LONRF1: variants seen among roughly 807,000 people sequenced by gnomAD.
The protein encoded by LONRF1 is LON peptidase N-terminal domain and ring finger 1.
A neutral mutation model predicts 85.8 loss-of-function variants in LONRF1; 37 were observed. The ratio of observed to expected loss-of-function variants is 0.43; its 90% CI spans 0.33 to 0.57. The LOEUF is 0.57. LONRF1 is among the 20% of genes least tolerant of loss of function. The pLI, the probability that LONRF1 is intolerant of heterozygous loss-of-function variation, is 0.04. For synonymous variants in LONRF1, 517 were observed against 390.1 expected (o/e 1.33, Z -3.83); for missense variants, 1,036 against 978.0 (o/e 1.06, Z -0.79).
Position 12,743,213 on chromosome 8 carries a change from G to C in LONRF1, c.791C>G (p.Ala264Gly). 6.2e-7 allele frequency: 1 copy of C among 1,613,162 alleles called. No individual in the cohort carries two copies. The highest frequency in any genetic ancestry group is 8.5e-7 in the Non-Finnish European group (1 of 1,179,432). ...SYAGLQEFKA[A>G]IEDLNAVLFQ... is the part of the protein sequence containing the mutation. Reference sequence around the variant, plus strand: ...AAGAACTGCATTTAAATCTTCTATGGCTGCTTTAAACTCTTGGAGACCAGC... The same window carrying C: ...AAGAACTGCATTTAAATCTTCTATGCCTGCTTTAAACTCTTGGAGACCAGC... Residue 264 changes from alanine (A) to glycine (G), a missense_variant, in exon 2 of 12, where the codon GCC becomes GGC. Ala to Gly is a moderately conservative substitution (Grantham distance 60). Coordinates refer to ENST00000398246, the MANE Select transcript of LONRF1 (RefSeq NM_152271.5).
chr8:12,740,603 A>G (rs1488527689), intron 3 of LONRF1, among the ~76,000 whole-genome samples: 2 of 152,208 alleles, frequency 1.3e-5, no homozygotes, highest in Non-Finnish European at 2.9e-5. Flanking sequence ...ATGCTTAATT[A>G]AGGACCATCA....
chr8:12,738,902 G>C (rs556416366), intron 3 of LONRF1: 1 of 152,120 alleles, frequency 6.6e-6, no homozygotes, highest in South Asian at 2.1e-4. Flanking sequence ...TTGGAGGTTC[G>C]GTTTTTCAGC....
In LONRF1 at chr8:12,740,744, T is replaced by A. The variant is rs1030029510; in HGVS notation, c.963+130A>T. The A allele has an allele frequency of 2.1e-5, 25 of 1,173,978 alleles. 1 individual carries two copies. Among genetic ancestry groups the A allele is most frequent in the Middle Eastern group, 5.2e-4 (2 of 3,848 alleles). 72.7% of individuals were successfully genotyped at this position (1,173,978 alleles called of 1,614,324 possible). On this transcript the variant is annotated intron_variant, in intron 3 of 11. Transcript: ENST00000398246. ...ACATGAACCTGAAAACCACTCAAAT[T>A]ATCACATTTGTTCCTAAGTTAGATT... is the stretch of plus-strand genomic sequence containing the variant.
chr8:12,737,236 T>A (rs1458069245), intron 4 of LONRF1, 96 bp from the exon 5 acceptor site: 4 of 1,353,112 alleles, frequency 3.0e-6, no homozygotes, highest in South Asian at 1.2e-5. Context: ...CAATGCCTTA[T>A]AATGCTCATT....
At chr8:12,751,970 T>C (rs1446488038) in intron 1 of LONRF1, among the ~76,000 whole-genome samples, 1 of 152,214 alleles carries the variant, frequency 6.6e-6, no homozygotes, top group East Asian at 1.9e-4. Context: ...TATCTAAATA[T>C]ATTTCAATTC....
At chr8:12,733,640 C>G (rs1172007603) in intron 7 of LONRF1, among the ~76,000 whole-genome samples, 2 of 152,036 alleles carry the variant, frequency 1.3e-5, no homozygotes, top group African/African-American at 4.8e-5. Context: ...TAAAATCATT[C>G]ATTTTAAATG....
At position 12,749,968 on chromosome 8, in the gene LONRF1, T is replaced by G. The variant is rs1323918654; in HGVS notation, c.721+4732A>C. 3.3e-5 allele frequency among the ~76,000 whole-genome samples: 5 copies of G among 152,234 alleles called. No homozygotes were observed. The South Asian group carries it at 1.0e-3, about 32-fold the overall frequency. ...ACAATGCCTGGTATATAGTAGCTAC[T>G]CAATAAAAATTTGCTGAATAGTAAG... On this transcript the variant is annotated intron_variant, in intron 1 of 11. Transcript: ENST00000398246.
At chr8:12,746,099 G>A (rs1438111161) in intron 1 of LONRF1, among the ~76,000 whole-genome samples, 2 of 152,076 alleles carry the variant, frequency 1.3e-5, no homozygotes, top group Non-Finnish European at 2.9e-5. Context: ...CACCTCCTAT[G>A]ATATTCCTCA....
chr8:12,731,673 T>C, intron 8 of LONRF1, 63 bp downstream of exon 8: 1 of 1,412,174 alleles, frequency 7.1e-7, no homozygotes, highest in Non-Finnish European at 9.7e-7. Context: ...CAGCTTGCGG[T>C]GAGGTTTTTC....
rs751285781 is a variant in LONRF1, at chr8:12,738,079, T to C, written c.1029A>G (p.Ser343=). ...AAGGTCTGTTTTTAGTACATGGTAA[T>C]GAACTCCAGGAAGATTCCTTCAGGC... is the stretch of plus-strand genomic sequence containing the variant. ...KEGLKESSWS[S]LPCTKNRPFD... Residue 343 remains serine (S), a synonymous_variant, in exon 4 of 12, where the codon TCA becomes TCG. Transcript: ENST00000398246. 6.2e-7 allele frequency: 1 copy of C among 1,609,910 alleles called. No individual in the cohort carries two copies. Among genetic ancestry groups the C allele is most frequent in the Non-Finnish European group, 8.5e-7 (1 of 1,177,910 alleles).
intron 10 of LONRF1, among the ~76,000 whole-genome samples, chr8:12,727,571 G>A (rs894383120): frequency 3.3e-5 from 5 of 151,972 alleles, no homozygotes; most frequent in African/African-American, 1.2e-4. Context: ...TGATTCTATT[G>A]CCTACATGTT....
intron 3 of LONRF1, among the ~76,000 whole-genome samples, 194 bp downstream of exon 3, chr8:12,740,680 G>A (rs772704208): frequency 2.0e-5 from 3 of 152,112 alleles, no homozygotes; most frequent in Admixed American, 6.5e-5. Context: ...ATCTGTGAAT[G>A]AAATGTTTCG....
At chr8:12,739,825 T>C (rs1585242308) in intron 3 of LONRF1, among the ~76,000 whole-genome samples, 1 of 152,252 alleles carries the variant, frequency 6.6e-6, no homozygotes, top group East Asian at 1.9e-4. Flanking sequence ...CTAACGAACA[T>C]GGAACAGTCA....
At chr8:12,748,397 A>C (rs1006577136) in intron 1 of LONRF1, among the ~76,000 whole-genome samples, 1 of 108,426 alleles carries the variant, frequency 9.2e-6, no homozygotes, top group Non-Finnish European at 2.3e-5. Context: ...CGGTACCACT[A>C]TGTTGCCCAG....
At chr8:12,753,846 C>G (rs1228638430) in intron 1 of LONRF1, 1 of 152,262 alleles carries the variant, frequency 6.6e-6, no homozygotes, top group Non-Finnish European at 1.5e-5. Flanking sequence ...ACAGCCTGAT[C>G]CTAAGTGGAA....
chr8:12,753,610 A>T (rs1210155062), intron 1 of LONRF1: 1 of 152,228 alleles, frequency 6.6e-6, no homozygotes, highest in African/African-American at 2.4e-5. Flanking sequence ...ATCTCTCCAG[A>T]TATTGTTCTA....
At chr8:12,729,417 A>T (rs1798443494) in intron 8 of LONRF1, 85 bp from the exon 9 acceptor site, 2 of 1,325,412 alleles carry the variant, frequency 1.5e-6, no homozygotes, top group Non-Finnish European at 1.1e-6. Context: ...GGTTTATAAC[A>T]GTAATGAACT....
At chr8:12,745,819 C>G (rs1258955919) in intron 1 of LONRF1, among the ~76,000 whole-genome samples, 2 of 152,170 alleles carry the variant, frequency 1.3e-5, no homozygotes, top group African/African-American at 4.8e-5. Flanking sequence ...TGGTACTTAA[C>G]TCTGTGACCT....
At chr8:12,731,678 T>G in intron 8 of LONRF1, 58 bp downstream of exon 8, 2 of 1,482,956 alleles carry the variant, frequency 1.3e-6, no homozygotes, top group Non-Finnish European at 1.8e-6. Flanking sequence ...TGCGGTGAGG[T>G]TTTTCCTTAC....
Sources: gnomAD v4.1 joint callset for allele counts (sites outside exome capture counted in the v4.1 genomes callset) on GRCh38, gnomAD v4.1.1 for gene constraint, MANE v1.5 for transcripts, NCBI Gene and HGNC (gene_info 2026-07-23, HGNC 2026-07-21) for gene names.